CRACDL: variants seen among roughly 807,000 people sequenced by gnomAD.
CRACDL encodes the protein CRACD like, also known as CRACD-like protein.
Under a neutral mutation model 70.6 loss-of-function variants are expected in CRACDL, and 26 were observed. That is an observed-to-expected ratio of 0.37 (90% CI 0.27 to 0.51). CRACDL has a LOEUF of 0.51. Ranked by LOEUF, CRACDL falls within the 20% of genes least tolerant of loss-of-function variation. CRACDL has a pLI of 0.94. For synonymous variants in CRACDL, 618 were observed against 615.2 expected (o/e 1.00, Z -0.07); for missense variants, 1,283 against 1,376.9 (o/e 0.93, Z 1.08).
At position 98,822,663 on chromosome 2, in the gene CRACDL, G is replaced by A; in HGVS notation, c.1610C>T (p.Pro537Leu). ...GGCTCGCTCGGCCTTGGGGCGCTCC[G>A]GGGCGGCGGCCTCTGCGTCGAGGGA... The part of the protein sequence containing the change: ...PGSLDAEAAA[P>L]ERPKAERAEA... The change falls in exon 7 of 10, where the codon CCG becomes CTG. Residue 537 changes from proline (P) to leucine (L), a missense_variant. Coordinates refer to ENST00000397899, the MANE Select transcript of CRACDL (RefSeq NM_207362.3). The surrounding 1 kb of genome is among the most constrained non-coding windows in gnomAD (Gnocchi z 4.9). 3 of 1,285,788 alleles carry A rather than the reference G, an allele frequency of 2.3e-6. No individual in the cohort carries two copies. The highest frequency in any genetic ancestry group is 2.9e-6 in the Non-Finnish European group (3 of 1,020,452). The allele number at this position is 1,285,788 out of a possible 1,614,324, so 79.6% of individuals were successfully genotyped here. A position where few individuals can be genotyped will look rare whatever the true frequency, so the allele number is the denominator to read the frequency against.
intron 1 of CRACDL, among the ~76,000 whole-genome samples, chr2:98,930,192 C>T (rs952329175): frequency 6.6e-6 from 1 of 152,146 alleles, no homozygotes; most frequent in South Asian, 2.1e-4. Context: ...CATGCAAGTG[C>T]TTCAAGTCAG....
chr2:98,866,642 C>T lies in CRACDL; in HGVS notation c.-10-19832G>A, dbSNP rs531512523. Among the ~76,000 whole-genome samples the T allele has an allele frequency of 5.3e-5, 8 of 151,644 alleles. No homozygotes were observed. In the South Asian group the frequency reaches 1.7e-3, roughly 32 times the overall value. On this transcript the variant is annotated intron_variant, in intron 1 of 9. Transcript: ENST00000397899. ...AGCCGGGATTACAGGCACGCACCAC[C>T]ACGCAGGCTAATTTTTTGTATTTTT... is the stretch of plus-strand genomic sequence containing the variant.
chr2:98,879,259 C>T (rs377458582), intron 1 of CRACDL, among the ~76,000 whole-genome samples: 4 of 152,314 alleles, frequency 2.6e-5, no homozygotes, highest in African/African-American at 9.6e-5. Flanking sequence ...GGAAAGAATG[C>T]CTCAGATACC....
intron 1 of CRACDL, among the ~76,000 whole-genome samples, chr2:98,914,783 G>A (rs1414329957): frequency 1.3e-5 from 2 of 152,200 alleles, no homozygotes; most frequent in East Asian, 3.9e-4. Context: ...GCGGCTCCGG[G>A]CACAGGTCCA....
intron 1 of CRACDL, among the ~76,000 whole-genome samples, chr2:98,918,539 C>CAAAAAAAAAAAAAAAAAAA (rs58312556): frequency 3.0e-5 from 2 of 66,346 alleles, no homozygotes; most frequent in East Asian, 6.3e-4. Context: ...TGTTGTCTAC[C>CAAAAAAAAAAAAAAAAAAA]AAAAAAAAAA....
Position 98,806,090 on chromosome 2 carries a change from TATATC to T in CRACDL, c.2417-8558_2417-8554del, listed in dbSNP as rs1173090943. On this transcript the variant is annotated intron_variant, in intron 7 of 9. Coordinates refer to ENST00000397899, the MANE Select transcript of CRACDL (RefSeq NM_207362.3). ...TATTTACGAGGGCCTCATATGGTAGTATATCCATCATGGGGTGGGGTGAGTGTCAG... is the reference window on the plus strand; with the variant it reads ...TATTTACGAGGGCCTCATATGGTAGTCATCATGGGGTGGGGTGAGTGTCAG... Among the ~76,000 whole-genome samples the T allele has an allele frequency of 4.9e-3, 749 of 152,334 alleles. 1 individual carries two copies. Among genetic ancestry groups the T allele is most frequent in the African/African-American group, 0.016 (671 of 41,584 alleles).
At chr2:98,803,074 A>G (rs1704145865) in intron 7 of CRACDL, among the ~76,000 whole-genome samples, 1 of 144,806 alleles carries the variant, frequency 6.9e-6, no homozygotes, top group Non-Finnish European at 1.5e-5. Context: ...ATCTAGGCTC[A>G]CTGCAAGCTC....
chr2:98,870,633 T>C (rs1343331654), intron 1 of CRACDL, among the ~76,000 whole-genome samples: 3 of 152,116 alleles, frequency 2.0e-5, no homozygotes, highest in African/African-American at 7.2e-5. Context: ...GCCCCAGGGC[T>C]GAGGTCTCTA....
At chr2:98,884,269 C>T (rs1030421199) in intron 1 of CRACDL, among the ~76,000 whole-genome samples, 5 of 152,202 alleles carry the variant, frequency 3.3e-5, no homozygotes, top group Non-Finnish European at 7.3e-5. Context: ...AACTCAGGGG[C>T]CTGCACAGCT....
At chr2:98,852,045 G>A (rs1452882936) in intron 1 of CRACDL, among the ~76,000 whole-genome samples, 1 of 152,078 alleles carries the variant, frequency 6.6e-6, no homozygotes, top group Non-Finnish European at 1.5e-5. Context: ...TTGTGGAGTG[G>A]CTGGAGCTCA....
At chr2:98,827,865 C>CAGAGGTG (rs1705374317) in intron 5 of CRACDL, among the ~76,000 whole-genome samples, 1 of 152,182 alleles carries the variant, frequency 6.6e-6, no homozygotes, top group East Asian at 1.9e-4. Context: ...GGGGAAGGTT[C>CAGAGGTG]AGAGGTGTGA....
chr2:98,928,913 TC>T (rs1220953616), intron 1 of CRACDL, among the ~76,000 whole-genome samples: 1 of 152,082 alleles, frequency 6.6e-6, no homozygotes, highest in African/African-American at 2.4e-5. Context: ...GGAATTCGGT[TC>T]CCGTAGAAAT....
chr2:98,803,915 C>A (rs898765020), intron 7 of CRACDL, among the ~76,000 whole-genome samples: 19 of 152,280 alleles, frequency 1.2e-4, no homozygotes, highest in African/African-American at 4.6e-4. Context: ...ACTTCTGGGG[C>A]AGAGGTGGGC....
chr2:98,795,512 T>G (rs935098582), intron 9 of CRACDL, among the ~76,000 whole-genome samples: 1 of 152,172 alleles, frequency 6.6e-6, no homozygotes, highest in African/African-American at 2.4e-5. Flanking sequence ...AAGGCAAATC[T>G]ATAGAGACAG....
Position 98,823,343 on chromosome 2 carries a change from G to A in CRACDL, c.930C>T (p.Ala310=). Reference sequence around the variant, plus strand: ...TGAGCGCGGAGGAGTGCTGCAGGCGGGCGCGTCTGGCACGGGCCCCTCCGG... The same window carrying A: ...TGAGCGCGGAGGAGTGCTGCAGGCGAGCGCGTCTGGCACGGGCCCCTCCGG... The part of the protein sequence containing the change: ...PPPGGARARR[A]RLQHSSALTA... The change falls in exon 7 of 10, where the codon GCC becomes GCT. Residue 310 remains alanine (A), a synonymous_variant. Coordinates refer to ENST00000397899, the MANE Select transcript of CRACDL (RefSeq NM_207362.3). The surrounding 1 kb of genome is among the most constrained non-coding windows in gnomAD (Gnocchi z 4.0). The A allele has an allele frequency of 6.7e-7, 1 of 1,503,058 alleles. No individual in the cohort carries two copies. Among genetic ancestry groups the A allele is most frequent in the Non-Finnish European group, 8.8e-7 (1 of 1,134,664 alleles). The allele number at this position is 1,503,058 out of a possible 1,614,324, so 93.1% of individuals were successfully genotyped here.
chr2:98,921,446 G>A (rs1438818605), intron 1 of CRACDL, among the ~76,000 whole-genome samples: 1 of 152,232 alleles, frequency 6.6e-6, no homozygotes, highest in African/African-American at 2.4e-5. Context: ...GGCTCGGAAG[G>A]CTCTTGACAT....
rs773933589 is a variant in CRACDL at position 98,846,859 on chromosome 2, T to C, written c.-10-49A>G. 1.5e-5 allele frequency: 22 copies of C among 1,454,282 alleles called. No individual in the cohort carries two copies. The Admixed American group carries it at 3.7e-4, about 24-fold the overall frequency. 90.1% of individuals were successfully genotyped at this position (1,454,282 alleles called of 1,614,324 possible). On this transcript the variant is annotated intron_variant, in intron 1 of 9. Coordinates refer to ENST00000397899, the MANE Select transcript of CRACDL (RefSeq NM_207362.3). ...TTAAAGAAACATGGTTAGCAGAAGT[T>C]ACCAATGAGTGAAATGGTGTTCGTG...
chr2:98,833,504 G>A (rs529891715), intron 3 of CRACDL, among the ~76,000 whole-genome samples: 59 of 152,352 alleles, frequency 3.9e-4, no homozygotes, highest in South Asian at 6.2e-4. Flanking sequence ...GGTTTGAAAT[G>A]AGAACTGCAA....
chr2:98,924,127 T>C (rs896970078), intron 1 of CRACDL, among the ~76,000 whole-genome samples: 1 of 152,208 alleles, frequency 6.6e-6, no homozygotes, highest in African/African-American at 2.4e-5. Context: ...TTCAGTTAAT[T>C]ATGCTGGCAC....
Sources: gnomAD v4.1 joint callset for allele counts (sites outside exome capture counted in the v4.1 genomes callset) on GRCh38, gnomAD v4.1.1 for gene constraint, Gnocchi (gnomAD v3.1) non-coding constraint, MANE v1.5 for transcripts, NCBI Gene and HGNC (gene_info 2026-07-23, HGNC 2026-07-21) for gene names.